The following RNF144A variants were observed in gnomAD, a reference collection of about 807,000 sequenced individuals.
RNF144A encodes the protein E3 ubiquitin-protein ligase RNF144A.
Under a neutral mutation model 38.7 loss-of-function variants are expected in RNF144A, and 11 were observed. That is an observed-to-expected ratio of 0.28 (90% CI 0.18 to 0.47). The LOEUF (loss-of-function observed/expected upper bound fraction) is 0.47, where lower values mean the gene tolerates loss of function less well. Among genes scored for constraint, RNF144A ranks in the 20% least tolerant of loss-of-function variants. The pLI, the probability that RNF144A is intolerant of heterozygous loss-of-function variation, is 0.99. For missense variants in RNF144A, 316 were observed against 377.2 expected (o/e 0.84, Z 1.34); for synonymous variants, 149 against 143.9 (o/e 1.04, Z -0.25).
rs1667393439 is a variant in RNF144A, at chr2:6,962,240, T to C, written c.-12+21093T>C. Reference sequence around the variant, plus strand: ...GGTAGCCCCCACCCTAATGATTTATTATGCAGGCGGGTTCTCTGCCTGAGC... The same window carrying C: ...GGTAGCCCCCACCCTAATGATTTATCATGCAGGCGGGTTCTCTGCCTGAGC... On this transcript the variant is annotated intron_variant, in intron 2 of 8. Transcript: ENST00000320892. The surrounding 1 kb of genome is among the most constrained non-coding windows in gnomAD (Gnocchi z 4.1). Among the ~76,000 whole-genome samples, 1 of 152,192 alleles carries C rather than the reference T, an allele frequency of 6.6e-6. No individual in the cohort carries two copies. Among genetic ancestry groups the C allele is most frequent in the Non-Finnish European group, 1.5e-5 (1 of 68,034 alleles).
At chr2:7,033,920 C>T (rs1043077257) in intron 8 of RNF144A, among the ~76,000 whole-genome samples, 1 of 152,184 alleles carries the variant, frequency 6.6e-6, no homozygotes, top group Non-Finnish European at 1.5e-5. Context: ...CAGCCCTCTC[C>T]ACAGGGCTAA....
At chr2:6,934,872 C>T (rs7562281) in intron 1 of RNF144A, among the ~76,000 whole-genome samples, 2,393 of 152,310 alleles carry the variant, frequency 0.016, 60 homozygotes, top group African/African-American at 0.054. Flanking sequence ...TTCTGTAAGA[C>T]GCAGCTATTT....
chr2:7,015,247 C>T (rs1671061858), intron 5 of RNF144A, among the ~76,000 whole-genome samples: 1 of 152,208 alleles, frequency 6.6e-6, no homozygotes, highest in Non-Finnish European at 1.5e-5. Flanking sequence ...CCACTGGACA[C>T]AGACCTAGAT....
At chr2:6,954,884 A>G (rs899652887) in intron 2 of RNF144A, among the ~76,000 whole-genome samples, 4 of 152,248 alleles carry the variant, frequency 2.6e-5, no homozygotes, top group Non-Finnish European at 4.4e-5. Context: ...TTTTCATTCT[A>G]TAATGTTTTA....
downstream of RNF144A, among the ~76,000 whole-genome samples, chr2:7,049,136 C>T (rs987262592): frequency 6.6e-6 from 1 of 152,176 alleles, no homozygotes; most frequent in African/African-American, 2.4e-5. Context: ...AAAGGTATCC[C>T]TCTGAGTTGA....
At chr2:6,919,806 C>G (rs1225346919) in intron 1 of RNF144A, among the ~76,000 whole-genome samples, 4 of 152,202 alleles carry the variant, frequency 2.6e-5, no homozygotes, top group African/African-American at 9.7e-5. Context: ...GCTCCCGATT[C>G]TAATGTCAGC....
chr2:7,045,357 T>C (rs1673264376), downstream of RNF144A, among the ~76,000 whole-genome samples: 1 of 152,034 alleles, frequency 6.6e-6, no homozygotes, highest in African/African-American at 2.4e-5. Context: ...GTCTTCCAGG[T>C]CTGGAGGTTG....
chr2:6,975,875 A>G (rs1668280900), intron 2 of RNF144A, among the ~76,000 whole-genome samples: 1 of 152,254 alleles, frequency 6.6e-6, no homozygotes, highest in Non-Finnish European at 1.5e-5. Flanking sequence ...GTGAATACAA[A>G]TAAGTACACA....
intron 2 of RNF144A, among the ~76,000 whole-genome samples, chr2:6,960,023 T>C (rs1667241121): frequency 6.6e-6 from 1 of 152,228 alleles, no homozygotes; most frequent in Non-Finnish European, 1.5e-5. Flanking sequence ...TGGCCTGTAT[T>C]CCGGAGACCC....
intron 8 of RNF144A, among the ~76,000 whole-genome samples, chr2:7,031,827 C>G (rs560629933): frequency 4.7e-4 from 71 of 152,390 alleles, no homozygotes; most frequent in African/African-American, 1.6e-3. Flanking sequence ...CTTGGCCTCG[C>G]AGGCCGTAGG....
chr2:7,056,842 C>T lies in RNF144A; in HGVS notation c.735-11374C>T, dbSNP rs183281525. On this transcript the variant is annotated intron_variant, in intron 6 of 6. Coordinates refer to the RNF144A transcript ENST00000432850. ...GGCTTCCTTGTTTGTGTATCTCATG[C>T]GCCTGCTTCCATTGCAGTGAGGACA... 1.9e-4 allele frequency among the ~76,000 whole-genome samples: 29 copies of T among 152,284 alleles called. No homozygotes were observed. In the East Asian group the frequency reaches 4.6e-3, roughly 24 times the overall value.
intron 2 of RNF144A, among the ~76,000 whole-genome samples, chr2:6,983,617 C>G (rs1668773551): frequency 6.6e-6 from 1 of 152,188 alleles, no homozygotes; most frequent in Non-Finnish European, 1.5e-5. Flanking sequence ...TGACCTCTCA[C>G]CCACTCTCCT....
intron 8 of RNF144A, among the ~76,000 whole-genome samples, chr2:7,035,833 C>T (rs1240305321): frequency 7.2e-5 from 11 of 152,204 alleles, no homozygotes; most frequent in Admixed American, 5.2e-4. Context: ...TTGCATCTTA[C>T]CTGGCACTCT....
At chr2:6,969,210 T>G (rs1667851009) in intron 2 of RNF144A, among the ~76,000 whole-genome samples, 1 of 152,176 alleles carries the variant, frequency 6.6e-6, no homozygotes, top group Non-Finnish European at 1.5e-5. Context: ...CCCTTAAAAT[T>G]TGTATGTTGG....
At chr2:7,050,313 C>T (rs889772741) in intron 6 of RNF144A, among the ~76,000 whole-genome samples, 25 of 152,328 alleles carry the variant, frequency 1.6e-4, no homozygotes, top group South Asian at 6.2e-4. Context: ...AGTTCCCCTA[C>T]GCAAGCTCTC....
At chr2:7,028,808 C>T (rs957487504) in intron 7 of RNF144A, among the ~76,000 whole-genome samples, 3 of 152,186 alleles carry the variant, frequency 2.0e-5, no homozygotes, top group Non-Finnish European at 4.4e-5. Flanking sequence ...GCCTGCTCCT[C>T]CCTTTCCTCT....
intron 3 of RNF144A, among the ~76,000 whole-genome samples, chr2:6,998,170 T>A (rs1027834485): frequency 2.1e-4 from 31 of 146,128 alleles, no homozygotes; most frequent in African/African-American, 7.7e-4. Flanking sequence ...AAAAACTGTC[T>A]TCAAAAAAAA....
chr2:7,054,266 C>T (rs1022963919), intron 6 of RNF144A, among the ~76,000 whole-genome samples: 10 of 152,186 alleles, frequency 6.6e-5, no homozygotes, highest in East Asian at 1.9e-4. Flanking sequence ...CCTACGGCCC[C>T]GCAAGTGTTC....
chr2:7,018,328 C>T (rs1392599576), intron 5 of RNF144A, among the ~76,000 whole-genome samples: 1 of 152,230 alleles, frequency 6.6e-6, no homozygotes, highest in Non-Finnish European at 1.5e-5. Flanking sequence ...TGCACCCTCC[C>T]GCAGGGCTGG....
Sources: gnomAD v4.1 joint callset for allele counts (sites outside exome capture counted in the v4.1 genomes callset) on GRCh38, gnomAD v4.1.1 for gene constraint, Gnocchi (gnomAD v3.1) non-coding constraint, MANE v1.5 for transcripts, NCBI Gene and HGNC (gene_info 2026-07-23, HGNC 2026-07-21) for gene names.